The following HTR4 variants were observed in gnomAD, a reference collection of about 807,000 sequenced individuals.
HTR4 encodes 5-hydroxytryptamine (serotonin) receptor 4, G protein-coupled.
A neutral mutation model predicts 36.8 loss-of-function variants in HTR4; 16 were observed. That is an observed-to-expected ratio of 0.43 (90% CI 0.29 to 0.66). The LOEUF is 0.66. HTR4 is among the 30% of genes least tolerant of loss of function. HTR4 has a pLI of 0.13. For missense variants in HTR4, 438 were observed against 490.9 expected, an observed-to-expected ratio of 0.89 and a Z score of 1.02; for synonymous variants, 189 against 185.1, an observed-to-expected ratio of 1.02 and a Z score of -0.17.
intron 1 of HTR4, among the ~76,000 whole-genome samples, chr5:148,644,230 A>C (rs1020675154): frequency 1.3e-5 from 2 of 152,194 alleles, no homozygotes; most frequent in African/African-American, 4.8e-5. Flanking sequence ...GTTCTTATGC[A>C]GTAGGTATCT....
chr5:148,545,207 A>G (rs1000185381), intron 4 of HTR4, among the ~76,000 whole-genome samples: 2 of 152,220 alleles, frequency 1.3e-5, no homozygotes, highest in East Asian at 3.8e-4. Context: ...CTCCCCAAGG[A>G]AAATAAAACA....
chr5:148,465,959 G>A, intron 5 of HTR4: 4 of 1,600,344 alleles, frequency 2.5e-6, no homozygotes, highest in Non-Finnish European at 2.6e-6. Context: ...CCACAGATGA[G>A]GGAGAGCCAA....
intron 5 of HTR4, among the ~76,000 whole-genome samples, chr5:148,515,033 G>T (rs1324110996): frequency 6.6e-6 from 1 of 151,834 alleles, no homozygotes; most frequent in South Asian, 2.1e-4. Flanking sequence ...TACTAAAATT[G>T]CAAATTGATT....
chr5:148,494,491 T>C (rs1460039532), intron 6 of HTR4, among the ~76,000 whole-genome samples: 2 of 152,244 alleles, frequency 1.3e-5, no homozygotes, highest in Non-Finnish European at 2.9e-5. Context: ...TCATTTTCAC[T>C]TTTTTTCTAT....
chr5:148,479,525 A>G (rs570105448), downstream of HTR4, among the ~76,000 whole-genome samples: 7 of 152,334 alleles, frequency 4.6e-5, no homozygotes, highest in African/African-American at 1.7e-4. Context: ...TTATCAATAA[A>G]TATAATTTAT....
chr5:148,524,974 A>T (rs1010838764), intron 4 of HTR4, among the ~76,000 whole-genome samples: 2 of 152,276 alleles, frequency 1.3e-5, no homozygotes, highest in East Asian at 3.9e-4. Flanking sequence ...CCTACAAGGC[A>T]CTGAGGAGCA....
chr5:148,519,960 T>C (rs930464884), intron 5 of HTR4, among the ~76,000 whole-genome samples: 1 of 152,156 alleles, frequency 6.6e-6, no homozygotes, highest in Non-Finnish European at 1.5e-5. Flanking sequence ...TATAGTGTCT[T>C]GTCCATGACT....
intron 5 of HTR4, among the ~76,000 whole-genome samples, chr5:148,522,302 C>T (rs996559912): frequency 5.3e-5 from 8 of 152,138 alleles, no homozygotes; most frequent in Admixed American, 1.3e-4. Context: ...TATAGACTCT[C>T]CACATAAAAT....
At chr5:148,548,525 G>T in intron 4 of HTR4, 143 bp downstream of exon 4, 1 of 740,124 alleles carries the variant, frequency 1.4e-6, no homozygotes, top group Non-Finnish European at 2.2e-6. Context: ...AAAGGCTGGA[G>T]AATGACTGTA....
intron 5 of HTR4, among the ~76,000 whole-genome samples, chr5:148,451,852 A>T (rs1240098234): frequency 1.3e-5 from 2 of 152,232 alleles, no homozygotes; most frequent in Non-Finnish European, 1.5e-5. Context: ...TTTCTGCCGT[A>T]TCATACAATT....
intron 2 of HTR4, among the ~76,000 whole-genome samples, chr5:148,599,094 A>G (rs1277925540): frequency 6.6e-6 from 1 of 152,176 alleles, no homozygotes; most frequent in Non-Finnish European, 1.5e-5. Flanking sequence ...CTGACTAGAT[A>G]ATAGAGATAA....
chr5:148,623,847 C>G (rs954017961), intron 2 of HTR4, among the ~76,000 whole-genome samples: 1 of 152,148 alleles, frequency 6.6e-6, no homozygotes, highest in Non-Finnish European at 1.5e-5. Context: ...CTGCAGATTT[C>G]TGATTAGAGA....
chr5:148,603,018 C>A (rs1762051295), intron 2 of HTR4, among the ~76,000 whole-genome samples: 1 of 151,936 alleles, frequency 6.6e-6, no homozygotes, highest in Non-Finnish European at 1.5e-5. Flanking sequence ...CTTCCAAACA[C>A]TTAAGAAATA....
chr5:148,572,406 G>C (rs2113883268), intron 2 of HTR4, among the ~76,000 whole-genome samples: 1 of 152,182 alleles, frequency 6.6e-6, no homozygotes, highest in East Asian at 1.9e-4. Context: ...AGATAGTCCA[G>C]AACAGGATAT....
intron 5 of HTR4, among the ~76,000 whole-genome samples, chr5:148,455,668 T>A (rs1057007316): frequency 1.3e-4 from 20 of 152,112 alleles, no homozygotes; most frequent in African/African-American, 4.6e-4. Flanking sequence ...GGGTTGCTGA[T>A]CCCCTGTGCA....
intron 2 of HTR4, among the ~76,000 whole-genome samples, chr5:148,570,204 A>G (rs1760618589): frequency 6.6e-6 from 1 of 152,144 alleles, no homozygotes; most frequent in African/African-American, 2.4e-5. Context: ...ATGTTTGTCC[A>G]TTTGTTCATT....
intron 5 of HTR4, among the ~76,000 whole-genome samples, chr5:148,459,007 T>G (rs1309346314): frequency 2.0e-5 from 3 of 152,186 alleles, no homozygotes; most frequent in Non-Finnish European, 2.9e-5. Context: ...ACAAATTTAT[T>G]ATCTCGCATT....
intron 5 of HTR4, among the ~76,000 whole-genome samples, chr5:148,468,179 C>A (rs1755479637): frequency 6.6e-6 from 1 of 152,108 alleles, no homozygotes; most frequent in Admixed American, 6.6e-5. Flanking sequence ...TGGTGGTTAG[C>A]CAACTGCCTG....
At chr5:148,538,571 T>C (rs752591137) in intron 4 of HTR4, among the ~76,000 whole-genome samples, 10 of 152,100 alleles carry the variant, frequency 6.6e-5, no homozygotes, top group Non-Finnish European at 1.2e-4. Context: ...AGCATTCCTA[T>C]ATACCTACGA....
Sources: allele counts gnomAD v4.1 joint callset (sites outside exome capture counted in the v4.1 genomes callset), GRCh38; gene constraint gnomAD v4.1.1; transcripts MANE v1.5; gene names NCBI Gene and HGNC (gene_info 2026-07-23, HGNC 2026-07-21).